The following TRIM13 variants were observed in gnomAD, a reference collection of about 807,000 sequenced individuals.
TRIM13 encodes tripartite motif containing 13.
In TRIM13, 15 loss-of-function variants were observed where a neutral mutation model predicts 27.1. The ratio of observed to expected loss-of-function variants is 0.55; its 90% CI spans 0.37 to 0.85. TRIM13 has a LOEUF of 0.85. Ranked by LOEUF, TRIM13 falls within the 40% of genes least tolerant of loss-of-function variation. TRIM13 has a pLI of 0.00. For synonymous variants in TRIM13, 193 were observed against 171.5 expected, an observed-to-expected ratio of 1.13 and a Z score of -0.98; for missense variants, 402 against 472.2, an observed-to-expected ratio of 0.85 and a Z score of 1.38.
At chr13:50,004,363 C>A (rs1874407849) in intron 1 of TRIM13, among the ~76,000 whole-genome samples, 1 of 152,000 alleles carries the variant, frequency 6.6e-6, no homozygotes, top group Admixed American at 6.6e-5. Flanking sequence ...ACTCATGAGG[C>A]TGAGGTGGGA....
At chr13:50,000,317 C>T (rs1386386789) in intron 1 of TRIM13, among the ~76,000 whole-genome samples, 1 of 152,120 alleles carries the variant, frequency 6.6e-6, no homozygotes, top group African/African-American at 2.4e-5. Flanking sequence ...GAAACCTAGT[C>T]ATCTTTTCAA....
Position 50,016,702 on chromosome 13 carries a change from C to G in TRIM13, c.*3538C>G, listed in dbSNP as rs66756338. 0.18 allele frequency: 29,491 copies of G among 166,952 alleles called. 2,920 individuals are homozygous for G. Among genetic ancestry groups the G allele is most frequent in the African/African-American group, 0.26 (10,663 of 41,428 alleles). 10.3% of individuals were successfully genotyped at this position (166,952 alleles called of 1,614,324 possible). A position where few individuals can be genotyped will look rare whatever the true frequency, so the allele number is the denominator to read the frequency against. The stretch of plus-strand genomic sequence containing the variant: ...CTCCCTCTGTTGTTCTTGGCTGGAT[C>G]CTAACGCTGATTTCCACTCTGCTGT... On this transcript the variant is annotated 3_prime_UTR_variant, in exon 2 of 2. Transcript: ENST00000378182.
In TRIM13 at chr13:50,015,086, AAAAAAAAAATATATATATATAT is replaced by A. The variant is rs1876241470; in HGVS notation, c.*1924_*1945del. ...TCCCCTCCCAGTAATAAAAAAAAAA[AAAAAAAAAATATATATATATAT>A]ATATATATATATATATATATATATA... On this transcript the variant is annotated 3_prime_UTR_variant, in exon 2 of 2. Coordinates refer to ENST00000378182, the MANE Select transcript of TRIM13 (RefSeq NM_213590.3). The A allele has an allele frequency of 7.0e-5, 4 of 56,800 alleles. No homozygotes were observed. Among genetic ancestry groups the A allele is most frequent in the African/African-American group, 3.2e-4 (4 of 12,348 alleles). The allele number at this position is 56,800 out of a possible 1,614,324, so 3.5% of individuals were successfully genotyped here. A position where few individuals can be genotyped will look rare whatever the true frequency, so the allele number is the denominator to read the frequency against.
intron 1 of TRIM13, among the ~76,000 whole-genome samples, chr13:50,011,280 G>A (rs1742118811): frequency 1.3e-5 from 2 of 152,152 alleles, no homozygotes; most frequent in African/African-American, 2.4e-5. Flanking sequence ...ACCACATTGT[G>A]AAAATTGATG....
At chr13:49,998,488 T>G (rs1873550855) in intron 1 of TRIM13, among the ~76,000 whole-genome samples, 1 of 152,248 alleles carries the variant, frequency 6.6e-6, no homozygotes, top group Non-Finnish European at 1.5e-5. Context: ...GATACACTGA[T>G]GCTCCAAAAT....
chr13:50,005,758 T>TG (rs1874620279), intron 1 of TRIM13, among the ~76,000 whole-genome samples: 1 of 148,220 alleles, frequency 6.7e-6, no homozygotes, highest in African/African-American at 2.5e-5. Flanking sequence ...TTTTTTTTTG[T>TG]GATGGAGTTT....
At chr13:50,008,696 G>A (rs1594575901) in intron 1 of TRIM13, among the ~76,000 whole-genome samples, 1 of 151,924 alleles carries the variant, frequency 6.6e-6, no homozygotes, top group Non-Finnish European at 1.5e-5. Flanking sequence ...CCTGTATTAG[G>A]GATCTCAAAT....
At position 50,015,097 on chromosome 13, in the gene TRIM13, ATAT is replaced by A. The variant is rs1566447311; in HGVS notation, c.*1934_*1936del. The A allele has an allele frequency of 8.8e-4, 3 of 3,416 alleles. No individual in the cohort carries two copies. The highest frequency in any genetic ancestry group is 1.9e-3 in the African/African-American group (3 of 1,578). The allele number at this position is 3,416 out of a possible 1,614,324, so 0.2% of individuals were successfully genotyped here. On this transcript the variant is annotated 3_prime_UTR_variant, in exon 2 of 2. Transcript: ENST00000378182. ...TAATAAAAAAAAAAAAAAAAAAAAT[ATAT>A]ATATATATATATATATATATATATA...
chr13:50,009,020 C>G (rs1283472323), intron 1 of TRIM13, among the ~76,000 whole-genome samples: 1 of 68,036 alleles, frequency 1.5e-5, no homozygotes, highest in Non-Finnish European at 2.9e-5. Flanking sequence ...AAAGCTGTCT[C>G]AAAAAAAAAA....
At position 50,012,872 on chromosome 13, in the gene TRIM13, C is replaced by A; in HGVS notation, c.932C>A (p.Pro311His). The A allele has an allele frequency of 6.2e-7, 1 of 1,613,974 alleles. No individual in the cohort carries two copies. The highest frequency in any genetic ancestry group is 8.5e-7 in the Non-Finnish European group (1 of 1,180,010). Reference protein sequence around the residue: ...QDTGTFISKIPWSFYKLFLLI... With the variant: ...QDTGTFISKIHWSFYKLFLLI... ...ACTGGCACATTCATTAGCAAGATTCCCTGGAGCTTTTATAAGTTATTTTTG... is the reference window on the plus strand; with the variant it reads ...ACTGGCACATTCATTAGCAAGATTCACTGGAGCTTTTATAAGTTATTTTTG... The change falls in exon 2 of 2, where the codon CCC becomes CAC. Residue 311 changes from proline (P) to histidine (H), a missense_variant. Physicochemically the swap from Pro to His is moderately conservative, Grantham distance 77. Transcript: ENST00000378182.
In TRIM13 at chr13:50,012,091, C is replaced by T; in HGVS notation, c.151C>T (p.Pro51Ser). ...SVRNSLWRPA[P>S]FKCPTCRKET... The stretch of plus-strand genomic sequence containing the variant: ...GCGGAATTCCTTGTGGAGACCAGCT[C>T]CATTCAAGTGTCCTACATGCCGTAA... Residue 51 changes from proline to serine, a missense_variant, in exon 2 of 2, where the codon CCA (proline) becomes TCA (serine). This residue lies in a region of TRIM13 where 202 missense variants were observed against 277.5 expected (regional missense o/e 0.73). Coordinates refer to ENST00000378182, the MANE Select transcript of TRIM13 (RefSeq NM_213590.3). The T allele has an allele frequency of 6.2e-7, 1 of 1,614,068 alleles. No individual in the cohort carries two copies. The highest frequency in any genetic ancestry group is 8.5e-7 in the Non-Finnish European group (1 of 1,180,002).
At chr13:49,999,451 A>G (rs1433563035) in intron 1 of TRIM13, among the ~76,000 whole-genome samples, 4 of 152,080 alleles carry the variant, frequency 2.6e-5, no homozygotes, top group Non-Finnish European at 5.9e-5. Context: ...GTGTGTGTCC[A>G]TGTCCTGAAT....
At chr13:50,007,317 C>T (rs1388910134) in intron 1 of TRIM13, among the ~76,000 whole-genome samples, 3 of 151,114 alleles carry the variant, frequency 2.0e-5, no homozygotes, top group Non-Finnish European at 2.9e-5. Flanking sequence ...GGTGAAACCC[C>T]GTGTCTATTA....
At chr13:49,998,819 T>C (rs1385878512) in intron 1 of TRIM13, among the ~76,000 whole-genome samples, 1 of 151,294 alleles carries the variant, frequency 6.6e-6, no homozygotes, top group Non-Finnish European at 1.5e-5. Flanking sequence ...TAATCCCAGC[T>C]ACTCGGGAGG....
intron 1 of TRIM13, among the ~76,000 whole-genome samples, chr13:50,002,979 A>C (rs986616156): frequency 2.6e-5 from 4 of 152,172 alleles, no homozygotes; most frequent in African/African-American, 4.8e-5. Context: ...CTCATACTAC[A>C]GTATAGTAAG....
At chr13:49,998,086 G>C (rs1039375055) in intron 1 of TRIM13, among the ~76,000 whole-genome samples, 4 of 152,068 alleles carry the variant, frequency 2.6e-5, no homozygotes, top group Admixed American at 2.6e-4. Flanking sequence ...TTGTAGAACA[G>C]GGCTTGAGTT....
chr13:50,000,246 T>TG (rs1461547371), intron 1 of TRIM13, among the ~76,000 whole-genome samples: 1 of 152,106 alleles, frequency 6.6e-6, no homozygotes, highest in Non-Finnish European at 1.5e-5. Context: ...CATAGAGAGG[T>TG]GGACCACTCT....
rs2066550 is a variant in TRIM13 at position 50,016,735 on chromosome 13, A to C, written c.*3571A>C. On this transcript the variant is annotated 3_prime_UTR_variant, in exon 2 of 2. Transcript: ENST00000378182. ...TGATTTCCACTCTGCTGTCACAAAC[A>C]TTTTTCCCCCCGTAAAATGTCTTAA... The C allele has an allele frequency of 0.053, 8,827 of 166,676 alleles. 357 individuals carry two copies. Among genetic ancestry groups the C allele is most frequent in the South Asian group, 0.18 (885 of 4,810 alleles). The allele number at this position is 166,676 out of a possible 1,614,324, so 10.3% of individuals were successfully genotyped here.
intron 1 of TRIM13, among the ~76,000 whole-genome samples, chr13:50,010,790 A>T (rs959739095): frequency 2.6e-5 from 4 of 152,196 alleles, no homozygotes; most frequent in African/African-American, 9.7e-5. Flanking sequence ...CAGGTAGCTA[A>T]GTCTGAATAG....
Sources: gnomAD v4.1 joint callset for allele counts (sites outside exome capture counted in the v4.1 genomes callset) on GRCh38, gnomAD v4.1.1 for gene constraint, gnomAD v4.1.1 regional missense constraint, MANE v1.5 for transcripts, NCBI Gene and HGNC (gene_info 2026-07-23, HGNC 2026-07-21) for gene names.